The following TLN2 variants were observed in gnomAD, a reference collection of about 807,000 sequenced individuals.
TLN2 encodes talin-2.
A neutral mutation model predicts 294.7 loss-of-function variants in TLN2; 118 were observed. The ratio of observed to expected loss-of-function variants is 0.40; its 90% CI spans 0.34 to 0.47. The LOEUF is 0.47. TLN2 is among the 20% of genes least tolerant of loss of function. TLN2 has a pLI of 0.84. For missense variants in TLN2, 3,083 were observed against 3,282.2 expected (o/e 0.94, Z 1.48); for synonymous variants, 1,431 against 1,304.5 (o/e 1.10, Z -2.09).
chr15:62,459,212 G>A (rs1284886814), intron 1 of TLN2, among the ~76,000 whole-genome samples: 1 of 151,814 alleles, frequency 6.6e-6, no homozygotes, highest in Non-Finnish European at 1.5e-5. Flanking sequence ...ATGTTGGCCA[G>A]GGTGGTCTCG....
chr15:62,676,866 T>G (rs1166958384), intron 11 of TLN2, among the ~76,000 whole-genome samples: 2 of 152,194 alleles, frequency 1.3e-5, no homozygotes, highest in African/African-American at 4.8e-5. Context: ...CCGCCCACCT[T>G]GGCCTCCCAA....
At chr15:62,805,503 A>G in intron 50 of TLN2, 97 bp from the exon 51 acceptor site, 3 of 1,298,458 alleles carry the variant, frequency 2.3e-6, no homozygotes, top group Admixed American at 5.6e-5. Flanking sequence ...TTACTGGCTC[A>G]GTTTTCAGAC....
rs181891675 is a variant in TLN2 at position 62,523,314 on chromosome 15, C to T, written c.-237-66373C>T. Among the ~76,000 whole-genome samples, 173 of 152,316 alleles carry T rather than the reference C, an allele frequency of 1.1e-3. 1 individual carries two copies. The highest frequency in any genetic ancestry group is 3.9e-3 in the African/African-American group (164 of 41,576). ...GAGGTATGGACATGGTGGTGTTCTC[C>T]TGCACTTCTCTAACCATAAAGTTCT... On this transcript the variant is annotated intron_variant, in intron 1 of 58. Coordinates refer to ENST00000636159, the MANE Select transcript of TLN2 (RefSeq NM_015059.3).
intron 10 of TLN2, among the ~76,000 whole-genome samples, chr15:62,674,593 C>CT: frequency 7.3e-6 from 1 of 137,768 alleles, no homozygotes; most frequent in East Asian, 2.0e-4. Flanking sequence ...CCTCCCCCCG[C>CT]CCTGTTCAAG....
At chr15:62,656,357 G>A (rs183405214) in intron 8 of TLN2, among the ~76,000 whole-genome samples, 168 of 152,262 alleles carry the variant, frequency 1.1e-3, no homozygotes, top group African/African-American at 3.7e-3. Context: ...CGGGCTTTGA[G>A]GGACAGTTGT....
intron 12 of TLN2, among the ~76,000 whole-genome samples, chr15:62,688,865 C>T (rs2057522623): frequency 6.6e-6 from 1 of 152,024 alleles, no homozygotes; most frequent in African/African-American, 2.4e-5. Flanking sequence ...TTTTTCCATC[C>T]TTTTATTTTC....
Position 62,554,077 on chromosome 15 carries a change from G to T in TLN2, c.-237-35610G>T, listed in dbSNP as rs201895228. 3.7e-4 allele frequency among the ~76,000 whole-genome samples: 56 copies of T among 151,872 alleles called. 1 individual carries two copies. The East Asian group carries it at 0.011, about 29-fold the overall frequency. On this transcript the variant is annotated intron_variant, in intron 1 of 58. Transcript: ENST00000636159. ...CAGGTAGATAAGTAGTTAATGACTA[G>T]ATGCAGTTGGGTAAACATTATCTAG...
rs1396691462 is a variant in TLN2, at chr15:62,390,654, G to A, written c.-269G>A. ...ACGCGGGCTGCACTCCCGGGCAGGCGCTCTGCAATGAGACAGTAAATGCAT... is the reference window on the plus strand; with the variant it reads ...ACGCGGGCTGCACTCCCGGGCAGGCACTCTGCAATGAGACAGTAAATGCAT... On this transcript the variant is annotated 5_prime_UTR_variant, in exon 1 of 59. Coordinates refer to ENST00000636159, the MANE Select transcript of TLN2 (RefSeq NM_015059.3). The A allele has an allele frequency of 2.0e-5, 3 of 152,092 alleles. No individual in the cohort carries two copies. The highest frequency in any genetic ancestry group is 4.4e-5 in the Non-Finnish European group (3 of 68,008). The allele number at this position is 152,092 out of a possible 1,614,324, so 9.4% of individuals were successfully genotyped here.
intron 1 of TLN2, among the ~76,000 whole-genome samples, chr15:62,457,770 C>T (rs947654723): frequency 6.6e-6 from 1 of 152,126 alleles, no homozygotes; most frequent in Non-Finnish European, 1.5e-5. Context: ...GGTTGGCAGG[C>T]GAGGGAGTCT....
chr15:62,707,399 TTTTAGCA>T, intron 20 of TLN2, 146 bp downstream of exon 20: 3 of 1,025,124 alleles, frequency 2.9e-6, no homozygotes, highest in Non-Finnish European at 4.0e-6. Flanking sequence ...GATGATAGGA[TTTTAGCA>T]TAAGCGGTCA....
At chr15:62,427,273 C>T (rs2034766523) in intron 1 of TLN2, among the ~76,000 whole-genome samples, 1 of 152,158 alleles carries the variant, frequency 6.6e-6, no homozygotes, top group Admixed American at 6.6e-5. Context: ...TGTGTGTCTC[C>T]TGGGAACTGT....
intron 3 of TLN2, among the ~76,000 whole-genome samples, chr15:62,635,422 A>C (rs2050279965): frequency 6.6e-6 from 1 of 152,242 alleles, no homozygotes; most frequent in Non-Finnish European, 1.5e-5. Flanking sequence ...GTATTTATTA[A>C]AAACAATGTA....
intron 1 of TLN2, among the ~76,000 whole-genome samples, chr15:62,422,219 CAAA>C (rs386383227): frequency 7.9e-4 from 44 of 55,352 alleles, no homozygotes; most frequent in African/African-American, 9.3e-4. Context: ...AACTCTGTCT[CAAA>C]AAAAAAAAAA....
At chr15:62,730,905 G>T (rs2060690497) in intron 28 of TLN2, among the ~76,000 whole-genome samples, 1 of 152,134 alleles carries the variant, frequency 6.6e-6, no homozygotes, top group Admixed American at 6.6e-5. Flanking sequence ...TTCAAATATT[G>T]CTTCTGTCCC....
intron 3 of TLN2, among the ~76,000 whole-genome samples, chr15:62,625,911 T>C (rs1231970402): frequency 2.0e-5 from 3 of 151,962 alleles, no homozygotes; most frequent in Non-Finnish European, 2.9e-5. Flanking sequence ...GAGTGTGCAA[T>C]AGAGGGGGAC....
At chr15:62,818,479 A>T (rs2067292577) in intron 52 of TLN2, among the ~76,000 whole-genome samples, 1 of 152,240 alleles carries the variant, frequency 6.6e-6, no homozygotes, top group South Asian at 2.1e-4. Context: ...TCGTGGTTCC[A>T]TTCATGGATG....
chr15:62,403,699 C>G (rs7183509), intron 1 of TLN2, among the ~76,000 whole-genome samples: 3,434 of 152,282 alleles, frequency 0.023, 135 homozygotes, highest in African/African-American at 0.078. Flanking sequence ...TCTCCTACCC[C>G]CGGCTTCTCC....
At chr15:62,581,924 G>T (rs1441655630) in intron 1 of TLN2, among the ~76,000 whole-genome samples, 1 of 151,772 alleles carries the variant, frequency 6.6e-6, no homozygotes, top group Non-Finnish European at 1.5e-5. Context: ...TGAGTCTGTA[G>T]TCCCAGCTAC....
intron 16 of TLN2, among the ~76,000 whole-genome samples, chr15:62,700,699 T>G (rs954641861): frequency 6.6e-6 from 1 of 152,204 alleles, no homozygotes; most frequent in Non-Finnish European, 1.5e-5. Context: ...TGAAACACCC[T>G]CTTTCTCACC....
Sources: allele counts gnomAD v4.1 joint callset (sites outside exome capture counted in the v4.1 genomes callset), GRCh38; gene constraint gnomAD v4.1.1; transcripts MANE v1.5; gene names NCBI Gene and HGNC (gene_info 2026-07-23, HGNC 2026-07-21).